The following DLG2 variants were observed in gnomAD, a reference collection of about 807,000 sequenced individuals.
The protein encoded by DLG2 is discs large MAGUK scaffold protein 2.
Under a neutral mutation model 132.5 loss-of-function variants are expected in DLG2, and 45 were observed. That is an observed-to-expected ratio of 0.34 (90% CI 0.27 to 0.44). The LOEUF is 0.44. Ranked by LOEUF, DLG2 falls within the 20% of genes least tolerant of loss-of-function variation. The probability of loss-of-function intolerance (pLI) is 1.00; values close to 1 mark genes in which losing one functional copy is unlikely to be tolerated. For missense variants in DLG2, 1,045 were observed against 1,196.9 expected (o/e 0.87, Z 1.87); for synonymous variants, 424 against 419.6 (o/e 1.01, Z -0.13).
At chr11:84,634,052 T>G (rs1164183224) in intron 6 of DLG2, among the ~76,000 whole-genome samples, 1 of 152,212 alleles carries the variant, frequency 6.6e-6, no homozygotes, top group African/African-American at 2.4e-5. Context: ...AAAAATGCTC[T>G]GTACAGCTGC....
At chr11:83,636,460 T>A (rs2064872886) in intron 18 of DLG2, among the ~76,000 whole-genome samples, 1 of 152,150 alleles carries the variant, frequency 6.6e-6, no homozygotes, top group Non-Finnish European at 1.5e-5. Context: ...GTTTTTGCAA[T>A]AAGAAAGATG....
chr11:84,570,004 G>T (rs1313748823), intron 6 of DLG2, among the ~76,000 whole-genome samples: 1 of 152,098 alleles, frequency 6.6e-6, no homozygotes, highest in East Asian at 1.9e-4. Context: ...TGGGTGAGGT[G>T]GGGTGGTGAA....
At chr11:84,465,665 T>A (rs930402578) in intron 7 of DLG2, among the ~76,000 whole-genome samples, 1 of 151,314 alleles carries the variant, frequency 6.6e-6, no homozygotes, top group Non-Finnish European at 1.5e-5. Flanking sequence ...ATAACACTTT[T>A]AACAAAATAA....
chr11:85,011,092 T>G (rs560107548), intron 6 of DLG2, among the ~76,000 whole-genome samples: 1 of 152,300 alleles, frequency 6.6e-6, no homozygotes, highest in African/African-American at 2.4e-5. Context: ...CTCAGTCATG[T>G]GACAAACAAA....
chr11:85,517,438 C>G (rs2094191340), intron 3 of DLG2, among the ~76,000 whole-genome samples: 1 of 152,004 alleles, frequency 6.6e-6, no homozygotes, highest in South Asian at 2.1e-4. Context: ...CCAGGGCAAT[C>G]AGGAAGTAGA....
At chr11:85,190,012 A>C (rs1001923047) in intron 4 of DLG2, among the ~76,000 whole-genome samples, 5 of 152,200 alleles carry the variant, frequency 3.3e-5, no homozygotes, top group South Asian at 2.1e-4. Context: ...TAAATAAATA[A>C]AAGTTACTGT....
chr11:84,077,187 C>T (rs1448485149), intron 10 of DLG2, among the ~76,000 whole-genome samples: 1 of 152,198 alleles, frequency 6.6e-6, no homozygotes, highest in Non-Finnish European at 1.5e-5. Flanking sequence ...ACCAGTCAAG[C>T]TTATCAGAAG....
chr11:84,099,721 C>A (rs373571253), intron 9 of DLG2, among the ~76,000 whole-genome samples: 3 of 148,796 alleles, frequency 2.0e-5, no homozygotes, highest in Admixed American at 6.8e-5. Context: ...ATTATAGTAA[C>A]TGATATCCTG....
At position 83,469,332 on chromosome 11, in the gene DLG2, C is replaced by G. The variant is rs773707986; in HGVS notation, c.2488G>C (p.Asp830His). 1.9e-6 allele frequency: 3 copies of G among 1,613,422 alleles called. No individual in the cohort carries two copies. Among genetic ancestry groups the G allele is most frequent in the Non-Finnish European group, 8.5e-7 (1 of 1,179,730 alleles). The change falls in exon 25 of 28, where the codon GAC becomes CAC. Residue 830 changes from aspartate (D) to histidine (H), a missense_variant. This residue lies in a region of DLG2 where 398 missense variants were observed against 543.6 expected (regional missense o/e 0.73). Transcript: ENST00000376104. ...TCTCTGGAAATGACAAAGTGATAGT[C>G]TCTGCCATCCACCTCGTAGTCTCGC... ...PKRDYEVDGR[D>H]YHFVISREQM...
chr11:84,086,797 T>C lies in DLG2; in HGVS notation c.749+12126A>G, dbSNP rs112110579. 1.6e-3 allele frequency among the ~76,000 whole-genome samples: 246 copies of C among 152,188 alleles called. 1 individual carries two copies. The highest frequency in any genetic ancestry group is 5.8e-3 in the African/African-American group (239 of 41,544). ...AAGTCATGGTGCCCAGCCTAGAACA[T>C]TTTCATCACCCCCAAAAGAAATCTT... On this transcript the variant is annotated intron_variant, in intron 10 of 27. Transcript: ENST00000376104.
At chr11:84,502,412 T>A (rs11234050) in intron 7 of DLG2, among the ~76,000 whole-genome samples, 12 of 115,528 alleles carry the variant, frequency 1.0e-4, no homozygotes, top group Non-Finnish European at 1.8e-4. Context: ...CTTTCTTTCT[T>A]TCTATACAGA....
chr11:85,021,164 T>C (rs1444987195), intron 6 of DLG2: 1 of 901,720 alleles, frequency 1.1e-6, no homozygotes, highest in East Asian at 2.4e-5. Context: ...TGCCCATTCT[T>C]AGAATTGAAG....
At chr11:84,613,507 G>GT (rs767077327) in intron 6 of DLG2, among the ~76,000 whole-genome samples, 2 of 152,036 alleles carry the variant, frequency 1.3e-5, no homozygotes, top group Admixed American at 6.6e-5. Context: ...GAAGAAAATA[G>GT]TATCTATTAA....
intron 2 of DLG2, among the ~76,000 whole-genome samples, chr11:85,618,350 A>C (rs181641885): frequency 6.6e-6 from 1 of 152,332 alleles, no homozygotes; most frequent in Admixed American, 6.5e-5. Context: ...AAATAAGCAT[A>C]TAAGGAGAAT....
intron 6 of DLG2, among the ~76,000 whole-genome samples, chr11:84,563,896 G>T (rs1188718359): frequency 1.3e-5 from 2 of 152,068 alleles, no homozygotes; most frequent in Admixed American, 1.3e-4. Flanking sequence ...TCTCTTTTGT[G>T]CTGTGGAGAC....
At chr11:84,840,437 T>C (rs2080477922) in intron 6 of DLG2, among the ~76,000 whole-genome samples, 1 of 152,136 alleles carries the variant, frequency 6.6e-6, no homozygotes, top group Non-Finnish European at 1.5e-5. Flanking sequence ...TGTGACTAAT[T>C]CCTCAAGGAT....
rs570420814 is a variant in DLG2, at chr11:83,841,441, A to G, written c.1566-7671T>C. On this transcript the variant is annotated intron_variant, in intron 16 of 27. Transcript: ENST00000376104. ...ATTAGCTCAGGGATTGTAATCTTCT[A>G]GAAATTTTCCCTGATACTCTCCTTA... 3.9e-5 allele frequency among the ~76,000 whole-genome samples: 6 copies of G among 152,322 alleles called. No individual in the cohort carries two copies. The East Asian group carries it at 7.7e-4, about 20-fold the overall frequency.
chr11:84,794,698 C>G (rs923377933), intron 6 of DLG2, among the ~76,000 whole-genome samples: 17 of 152,250 alleles, frequency 1.1e-4, no homozygotes, highest in African/African-American at 3.9e-4. Flanking sequence ...CCACTCCTGG[C>G]ACCCACTTTG....
intron 5 of DLG2, among the ~76,000 whole-genome samples, chr11:85,129,075 C>T (rs1388409344): frequency 6.6e-6 from 1 of 152,188 alleles, no homozygotes; most frequent in African/African-American, 2.4e-5. Context: ...CCAAGTCTCG[C>T]TCCAGTATCC....
Sources: gnomAD v4.1 joint callset for allele counts (sites outside exome capture counted in the v4.1 genomes callset) on GRCh38, gnomAD v4.1.1 for gene constraint, gnomAD v4.1.1 regional missense constraint, MANE v1.5 for transcripts, NCBI Gene and HGNC (gene_info 2026-07-23, HGNC 2026-07-21) for gene names.